SRPK2: variants seen among roughly 807,000 people sequenced by gnomAD.
SRPK2 encodes SRSF protein kinase 2, also known as SFRS protein kinase 2.
Under a neutral mutation model 90.8 loss-of-function variants are expected in SRPK2, and 21 were observed. The ratio of observed to expected loss-of-function variants is 0.23; its 90% CI spans 0.16 to 0.33. The LOEUF (loss-of-function observed/expected upper bound fraction) is 0.33. Ranked by LOEUF, SRPK2 falls within the 10% of genes least tolerant of loss-of-function variation. SRPK2 has a pLI of 1.00. For missense variants in SRPK2, 620 were observed against 869.0 expected (o/e 0.71, Z 3.60); for synonymous variants, 288 against 311.1 (o/e 0.93, Z 0.78).
chr7:105,177,541 G>GT (rs1463108212), intron 3 of SRPK2, among the ~76,000 whole-genome samples: 13 of 152,234 alleles, frequency 8.5e-5, no homozygotes, highest in African/African-American at 3.1e-4. Flanking sequence ...TAAAATGTAA[G>GT]TTTTTAAAAA....
Position 105,117,167 on chromosome 7 carries a change from T to C in SRPK2, c.*671A>G, listed in dbSNP as rs1470046477. The C allele has an allele frequency of 6.6e-6, 1 of 152,262 alleles. No individual in the cohort carries two copies. The highest frequency in any genetic ancestry group is 1.5e-5 in the Non-Finnish European group (1 of 68,046). The allele number at this position is 152,262 out of a possible 1,614,324, so 9.4% of individuals were successfully genotyped here. ...GTGCCATATAGAGAATGACATCTTA[T>C]AACCCAGAGCCACTTTGTTTAAAAT... On this transcript the variant is annotated 3_prime_UTR_variant, in exon 16 of 16. Coordinates refer to ENST00000393651, the MANE Select transcript of SRPK2 (RefSeq NM_182692.3).
intron 2 of SRPK2, among the ~76,000 whole-genome samples, chr7:105,214,102 C>G (rs1288443156): frequency 6.6e-6 from 1 of 152,198 alleles, no homozygotes; most frequent in Non-Finnish European, 1.5e-5. Context: ...ACTCAGTAGT[C>G]ACATATGGCT....
chr7:105,362,830 A>G (rs1048597355), intron 2 of SRPK2, among the ~76,000 whole-genome samples: 6 of 152,340 alleles, frequency 3.9e-5, no homozygotes, highest in African/African-American at 1.4e-4. Flanking sequence ...GATTAAGAAA[A>G]TGTGGCACAT....
intron 3 of SRPK2, among the ~76,000 whole-genome samples, chr7:105,201,365 ACT>A (rs1314471069): frequency 3.9e-5 from 6 of 152,026 alleles, no homozygotes; most frequent in African/African-American, 1.4e-4. Flanking sequence ...TGACTTTAAT[ACT>A]CTGTGAAGGT....
chr7:105,338,549 G>A (rs2131840404), intron 2 of SRPK2, among the ~76,000 whole-genome samples: 1 of 152,304 alleles, frequency 6.6e-6, no homozygotes, highest in African/African-American at 2.4e-5. Flanking sequence ...AAGCCACTGT[G>A]CCCCGCAGAT....
At chr7:105,335,142 G>A (rs1361373116) in intron 2 of SRPK2, among the ~76,000 whole-genome samples, 1 of 152,168 alleles carries the variant, frequency 6.6e-6, no homozygotes, top group Non-Finnish European at 1.5e-5. Flanking sequence ...ATGCACTCCA[G>A]CCTGAGCAAC....
chr7:105,151,504 A>C (rs1805645200), intron 7 of SRPK2, among the ~76,000 whole-genome samples: 1 of 152,196 alleles, frequency 6.6e-6, no homozygotes, highest in Non-Finnish European at 1.5e-5. Flanking sequence ...ACTGATATTG[A>C]CTTATTGAAT....
chr7:105,116,769 G>T lies in SRPK2; in HGVS notation c.*1069C>A, dbSNP rs1447735906. 6.6e-6 allele frequency: 1 copy of T among 152,410 alleles called. No individual in the cohort carries two copies. Among genetic ancestry groups the T allele is most frequent in the Non-Finnish European group, 1.5e-5 (1 of 68,010 alleles). 9.4% of individuals were successfully genotyped at this position (152,410 alleles called of 1,614,324 possible). ...AATGAAAAAGCTAGTAAAATTTGTT[G>T]TAGCCACACGTAAAGCTACCTATGG... is the stretch of plus-strand genomic sequence containing the variant. On this transcript the variant is annotated 3_prime_UTR_variant, in exon 16 of 16. Transcript: ENST00000393651.
intron 3 of SRPK2, among the ~76,000 whole-genome samples, chr7:105,194,753 C>G (rs1429117082): frequency 6.6e-6 from 1 of 152,134 alleles, no homozygotes; most frequent in East Asian, 1.9e-4. Context: ...AAGAGAAGCA[C>G]AAAGCTGGAA....
chr7:105,283,807 AT>A (rs1191641567), intron 2 of SRPK2, among the ~76,000 whole-genome samples: 1 of 152,082 alleles, frequency 6.6e-6, no homozygotes, highest in Non-Finnish European at 1.5e-5. Context: ...CCTAGGTAAC[AT>A]GGTGAGACAC....
In SRPK2 at chr7:105,370,616, C is replaced by CTT. The variant is rs199888481; in HGVS notation, c.71+18030_71+18031dup. On this transcript the variant is annotated intron_variant, in intron 2 of 15. Transcript: ENST00000393651. The stretch of plus-strand genomic sequence containing the variant: ...TTTTTTTAATTAATTTTTTTTCTTT[C>CTT]TTTTTTTTTTTTTTTTTGAGACAGA... 2.7e-3 allele frequency among the ~76,000 whole-genome samples: 354 copies of CTT among 129,954 alleles called. 3 individuals carry two copies. Among genetic ancestry groups the CTT allele is most frequent in the South Asian group, 3.4e-3 (14 of 4,108 alleles). 85.3% of individuals were successfully genotyped at this position (129,954 alleles called of 152,430 possible). A position where few individuals can be genotyped will look rare whatever the true frequency, so the allele number is the denominator to read the frequency against.
At chr7:105,397,457 G>A (rs1457071293) in intron 1 of SRPK2, among the ~76,000 whole-genome samples, 1 of 151,458 alleles carries the variant, frequency 6.6e-6, no homozygotes, top group African/African-American at 2.4e-5. Flanking sequence ...AGCCTCCTGA[G>A]TAGCGGGGAC....
At chr7:105,177,444 T>C (rs1216431032) in intron 3 of SRPK2, among the ~76,000 whole-genome samples, 1 of 152,238 alleles carries the variant, frequency 6.6e-6, no homozygotes, top group African/African-American at 2.4e-5. Flanking sequence ...ATGATGTTCT[T>C]ATGAATATTA....
chr7:105,365,510 T>TATA (rs1490581230), intron 2 of SRPK2, among the ~76,000 whole-genome samples: 14 of 116,362 alleles, frequency 1.2e-4, no homozygotes, highest in African/African-American at 4.7e-4. Context: ...AAAAAAAAAA[T>TATA]TATATATATA....
chr7:105,190,891 C>T (rs1428065490), intron 3 of SRPK2, among the ~76,000 whole-genome samples: 1 of 152,208 alleles, frequency 6.6e-6, no homozygotes, highest in African/African-American at 2.4e-5. Context: ...ACTGTTTCTA[C>T]TAATAATGCC....
intron 8 of SRPK2, among the ~76,000 whole-genome samples, chr7:105,145,980 C>T (rs1348767077): frequency 6.6e-6 from 1 of 152,176 alleles, no homozygotes; most frequent in Non-Finnish European, 1.5e-5. Context: ...CACTTCACTG[C>T]ACCACCTCCC....
At chr7:105,369,849 G>C (rs947527418) in intron 2 of SRPK2, among the ~76,000 whole-genome samples, 1 of 152,134 alleles carries the variant, frequency 6.6e-6, no homozygotes, top group African/African-American at 2.4e-5. Flanking sequence ...CCAACACGGA[G>C]AAACCCCGTC....
chr7:105,322,950 G>A (rs1813110175), intron 2 of SRPK2, among the ~76,000 whole-genome samples: 1 of 152,138 alleles, frequency 6.6e-6, no homozygotes, highest in South Asian at 2.1e-4. Flanking sequence ...TGTAATCCCA[G>A]TACTTTGGGA....
chr7:105,140,521 A>C (rs1803577757), intron 11 of SRPK2, among the ~76,000 whole-genome samples: 1 of 151,668 alleles, frequency 6.6e-6, no homozygotes, highest in South Asian at 2.1e-4. Flanking sequence ...GAATTGCTTG[A>C]GTTCAGGAGG....
Sources: gnomAD v4.1 joint callset for allele counts (sites outside exome capture counted in the v4.1 genomes callset) on GRCh38, gnomAD v4.1.1 for gene constraint, MANE v1.5 for transcripts, NCBI Gene and HGNC (gene_info 2026-07-23, HGNC 2026-07-21) for gene names.